Variants in ZFPM2 observed in about 807,000 individuals in gnomAD.
ZFPM2 encodes the protein zinc finger protein ZFPM2.
ZFPM2 carries 20 observed loss-of-function variants against 98.6 expected under a neutral mutation model. The observed-to-expected ratio is 0.20, with a 90% CI of 0.14 to 0.29. The LOEUF (loss-of-function observed/expected upper bound fraction) is 0.29. ZFPM2 is among the 10% of genes least tolerant of loss of function. ZFPM2 has a pLI of 1.00. For missense variants in ZFPM2, 1,310 were observed against 1,388.6 expected, an observed-to-expected ratio of 0.94 and a Z score of 0.90; for synonymous variants, 518 against 502.7, an observed-to-expected ratio of 1.03 and a Z score of -0.41.
chr8:105,341,902 G>T (rs547425337), intron 1 of ZFPM2, among the ~76,000 whole-genome samples: 1 of 152,106 alleles, frequency 6.6e-6, no homozygotes, highest in East Asian at 1.9e-4. Flanking sequence ...TTGGGCTTTT[G>T]TGGAATAATT....
Position 105,553,479 on chromosome 8 carries a change from T to C in ZFPM2, c.302-7884T>C, listed in dbSNP as rs375631506. 8.1e-4 allele frequency among the ~76,000 whole-genome samples: 124 copies of C among 152,260 alleles called. 1 individual carries two copies. Among genetic ancestry groups the C allele is most frequent in the African/African-American group, 2.7e-3 (112 of 41,558 alleles). Reference sequence around the variant, plus strand: ...TACTCTAGGTTTTAGACCATTCCAGTGTGTTGTGTTAGAGTTTTTAGGTAC... The same window carrying C: ...TACTCTAGGTTTTAGACCATTCCAGCGTGTTGTGTTAGAGTTTTTAGGTAC... On this transcript the variant is annotated intron_variant, in intron 3 of 7. Coordinates refer to ENST00000407775, the MANE Select transcript of ZFPM2 (RefSeq NM_012082.4).
At chr8:105,393,393 C>CTTTCTTTT (rs1586340332) in intron 1 of ZFPM2, among the ~76,000 whole-genome samples, 1 of 30,000 alleles carries the variant, frequency 3.3e-5, no homozygotes, top group Admixed American at 4.7e-4. Context: ...TTTCTTTCTT[C>CTTTCTTTT]TTCAGAATTT....
chr8:105,591,077 A>G (rs1387331332), intron 4 of ZFPM2, among the ~76,000 whole-genome samples: 3 of 152,192 alleles, frequency 2.0e-5, no homozygotes, highest in Admixed American at 1.3e-4. Context: ...ACTCCACACT[A>G]AAGCTCGGAG....
intron 4 of ZFPM2, among the ~76,000 whole-genome samples, chr8:105,596,989 G>C (rs1360345183): frequency 6.6e-6 from 1 of 151,524 alleles, no homozygotes; most frequent in Non-Finnish European, 1.5e-5. Context: ...TTCTACATTG[G>C]AATATTTTTA....
chr8:105,469,276 G>A (rs1170202784), intron 3 of ZFPM2, among the ~76,000 whole-genome samples: 1 of 152,086 alleles, frequency 6.6e-6, no homozygotes, highest in Non-Finnish European at 1.5e-5. Context: ...TAAGTTAATT[G>A]CTGCTTGTGA....
chr8:105,751,441 A>C (rs1320041326), intron 5 of ZFPM2, among the ~76,000 whole-genome samples: 1 of 152,062 alleles, frequency 6.6e-6, no homozygotes, highest in Non-Finnish European at 1.5e-5. Context: ...CTTCCTGGGA[A>C]AACTAAAATG....
At chr8:105,685,190 T>G (rs980648509) in intron 5 of ZFPM2, among the ~76,000 whole-genome samples, 2 of 152,146 alleles carry the variant, frequency 1.3e-5, no homozygotes, top group African/African-American at 4.8e-5. Flanking sequence ...ACTAGATGCA[T>G]GTAGCTGTAG....
chr8:105,666,849 A>T (rs1817499208), intron 5 of ZFPM2, among the ~76,000 whole-genome samples: 1 of 152,152 alleles, frequency 6.6e-6, no homozygotes, highest in South Asian at 2.1e-4. Flanking sequence ...AATGTTCTTG[A>T]TGGAGCAATA....
At chr8:105,622,105 GA>G (rs71577983) in intron 4 of ZFPM2, among the ~76,000 whole-genome samples, 47 of 150,136 alleles carry the variant, frequency 3.1e-4, no homozygotes, top group African/African-American at 9.0e-4. Flanking sequence ...TATTTATCTA[GA>G]AAAAAAACAA....
At position 105,418,059 on chromosome 8, in the gene ZFPM2, C is replaced by CAT. The variant is rs111429165; in HGVS notation, c.41-1075_41-1074dup. 2.6e-4 allele frequency among the ~76,000 whole-genome samples: 40 copies of CAT among 152,026 alleles called. 1 individual carries two copies. In the East Asian group the frequency reaches 3.1e-3, roughly 12 times the overall value. On this transcript the variant is annotated intron_variant, in intron 1 of 7. Coordinates refer to ENST00000407775, the MANE Select transcript of ZFPM2 (RefSeq NM_012082.4). ...TACGATACTTATTCTTATTTATCTA[C>CAT]ATATATATATAAATTGTAGTATATG...
In ZFPM2 at chr8:105,736,063, A is replaced by T. The variant is rs567820987; in HGVS notation, c.533-52655A>T. Among the ~76,000 whole-genome samples, 16 of 152,098 alleles carry T rather than the reference A, an allele frequency of 1.1e-4. No individual in the cohort carries two copies. In the South Asian group the frequency reaches 1.7e-3, roughly 16 times the overall value. On this transcript the variant is annotated intron_variant, in intron 5 of 7. Coordinates refer to ENST00000407775, the MANE Select transcript of ZFPM2 (RefSeq NM_012082.4). Reference sequence around the variant, plus strand: ...TCACTTGATTTACCTTTTTATTGCGATAGTATTAATGTTTAAACATGTGCT... The same window carrying T: ...TCACTTGATTTACCTTTTTATTGCGTTAGTATTAATGTTTAAACATGTGCT...
At chr8:105,743,084 A>T (rs765286133) in intron 5 of ZFPM2, among the ~76,000 whole-genome samples, 15 of 152,134 alleles carry the variant, frequency 9.9e-5, no homozygotes, top group Non-Finnish European at 1.6e-4. Flanking sequence ...AGTAGGGGAA[A>T]GAAAATACTC....
At chr8:105,483,698 A>G (rs576588857) in intron 3 of ZFPM2, among the ~76,000 whole-genome samples, 1 of 151,508 alleles carries the variant, frequency 6.6e-6, no homozygotes, top group South Asian at 2.1e-4. Flanking sequence ...TTGTCAGATT[A>G]ATTGTAATTC....
At chr8:105,621,382 G>A (rs34330549) in intron 4 of ZFPM2, among the ~76,000 whole-genome samples, 1 of 151,964 alleles carries the variant, frequency 6.6e-6, no homozygotes, top group Non-Finnish European at 1.5e-5. Flanking sequence ...ATTTTGTATC[G>A]TGAGACTTTG....
intron 5 of ZFPM2, among the ~76,000 whole-genome samples, chr8:105,713,081 T>C (rs1586214336): frequency 6.6e-6 from 1 of 152,226 alleles, no homozygotes. Flanking sequence ...CAGTGGTAAT[T>C]CTATTTTTAG....
intron 3 of ZFPM2, among the ~76,000 whole-genome samples, chr8:105,478,137 T>A (rs1255876178): frequency 6.6e-6 from 1 of 152,196 alleles, no homozygotes; most frequent in Non-Finnish European, 1.5e-5. Flanking sequence ...CCATCTTAAA[T>A]GCGGCTGACC....
At chr8:105,686,086 T>C (rs1810726242) in intron 5 of ZFPM2, among the ~76,000 whole-genome samples, 1 of 152,090 alleles carries the variant, frequency 6.6e-6, no homozygotes, top group Non-Finnish European at 1.5e-5. Context: ...TTAAACTTTA[T>C]TGAATTTCTA....
intron 7 of ZFPM2, 57 bp from the exon 8 acceptor site, chr8:105,800,986 CCTGT>C: frequency 6.8e-7 from 1 of 1,471,976 alleles, no homozygotes; most frequent in East Asian, 2.3e-5. Flanking sequence ...AGAAAAGGTC[CCTGT>C]CATTCAAAAA....
chr8:105,319,221 A>C (rs2130636525), intron 1 of ZFPM2, among the ~76,000 whole-genome samples: 1 of 152,236 alleles, frequency 6.6e-6, no homozygotes, highest in African/African-American at 2.4e-5. Context: ...TGCCCCGCTC[A>C]GCCCTCGCGC....
Sources: gnomAD v4.1 joint callset for allele counts (sites outside exome capture counted in the v4.1 genomes callset) on GRCh38, gnomAD v4.1.1 for gene constraint, MANE v1.5 for transcripts, NCBI Gene and HGNC (gene_info 2026-07-23, HGNC 2026-07-21) for gene names.